PRDM2: variants seen among roughly 807,000 people sequenced by gnomAD.
The protein encoded by PRDM2 is PR domain zinc finger protein 2.
PRDM2 carries 30 observed loss-of-function variants against 130.0 expected under a neutral mutation model. The ratio of observed to expected loss-of-function variants is 0.23; its 90% CI spans 0.17 to 0.31. The LOEUF is 0.31. Among genes scored for constraint, PRDM2 ranks in the 10% least tolerant of loss-of-function variants. PRDM2 has a pLI of 1.00. For missense variants in PRDM2, 2,011 were observed against 2,108.4 expected (o/e 0.95, Z 0.90); for synonymous variants, 871 against 782.4 (o/e 1.11, Z -1.89).
At chr1:13,799,350 CAGG>C (rs1235040190) in intron 8 of PRDM2, among the ~76,000 whole-genome samples, 3 of 151,600 alleles carry the variant, frequency 2.0e-5, no homozygotes, top group African/African-American at 7.3e-5. Context: ...GAGACTGAGA[CAGG>C]AGAATCGCTT....
At chr1:13,784,172 A>G (rs531026655) in intron 8 of PRDM2, among the ~76,000 whole-genome samples, 2 of 152,252 alleles carry the variant, frequency 1.3e-5, no homozygotes, top group Non-Finnish European at 2.9e-5. Context: ...CGCGGCACAT[A>G]CATAGGTAGC....
At chr1:13,772,063 A>G (rs1234112363) in intron 6 of PRDM2, 2 of 152,224 alleles carry the variant, frequency 1.3e-5, no homozygotes, top group Non-Finnish European at 2.9e-5. Context: ...ACTAATGCAG[A>G]GATAAAAGGT....
At chr1:13,753,801 A>C (rs1643889479) in intron 6 of PRDM2, among the ~76,000 whole-genome samples, 1 of 152,178 alleles carries the variant, frequency 6.6e-6, no homozygotes, top group South Asian at 2.1e-4. Flanking sequence ...GGAGGACATC[A>C]AGAGGAACCT....
chr1:13,821,512 G>A (rs10927937), intron 9 of PRDM2, among the ~76,000 whole-genome samples: 40,215 of 151,322 alleles, frequency 0.27, 5,791 homozygotes, highest in Non-Finnish European at 0.32. Flanking sequence ...GCCCAGGCTG[G>A]AGTGCAGTGG....
rs1484124338 is a variant in PRDM2 at position 13,803,748 on chromosome 1, C to T, written c.5037-12679C>T. Among the ~76,000 whole-genome samples the T allele has an allele frequency of 1.3e-5, 2 of 152,170 alleles. No individual in the cohort carries two copies. Among genetic ancestry groups the T allele is most frequent in the Non-Finnish European group, 2.9e-5 (2 of 68,032 alleles). On this transcript the variant is annotated intron_variant, in intron 8 of 9. Transcript: ENST00000311066. This position sits in a 1 kb window ranked among gnomAD's most constrained non-coding sequence, Gnocchi z 6.2. ...CGGGCCGAGGTCACTGCAGGCCAGGCCGGGCCAGCCTCCCTATCAACTGGG... is the reference window on the plus strand; with the variant it reads ...CGGGCCGAGGTCACTGCAGGCCAGGTCGGGCCAGCCTCCCTATCAACTGGG...
At chr1:13,810,629 G>C (rs1266076729) in intron 8 of PRDM2, among the ~76,000 whole-genome samples, 1 of 151,840 alleles carries the variant, frequency 6.6e-6, no homozygotes, top group African/African-American at 2.4e-5. Flanking sequence ...CAAGTAGCTG[G>C]GACTACAGGC....
In PRDM2 at chr1:13,700,255, C is replaced by T. The variant is rs1642024041; in HGVS notation, c.-111C>T. On this transcript the variant is annotated 5_prime_UTR_variant, in exon 1 of 10. Transcript: ENST00000311066. ...GCCGGGGCCGGCGAAACAGCGGCGGCGGCGGCGGCCCTCGGTGCTCTGAGG... is the reference window on the plus strand; with the variant it reads ...GCCGGGGCCGGCGAAACAGCGGCGGTGGCGGCGGCCCTCGGTGCTCTGAGG... 2 of 151,372 alleles carry T rather than the reference C, an allele frequency of 1.3e-5. No homozygotes were observed. The highest frequency in any genetic ancestry group is 2.9e-5 in the Non-Finnish European group (2 of 67,802). The allele number at this position is 151,372 out of a possible 1,614,324, so 9.4% of individuals were successfully genotyped here. A position where few individuals can be genotyped will look rare whatever the true frequency, so the allele number is the denominator to read the frequency against.
At chr1:13,776,318 G>A (rs1301276037) in intron 7 of PRDM2, among the ~76,000 whole-genome samples, 13 of 152,174 alleles carry the variant, frequency 8.5e-5, no homozygotes, top group Admixed American at 8.5e-4. Context: ...GAAGAAGTCA[G>A]AATAGCTCTG....
intron 8 of PRDM2, among the ~76,000 whole-genome samples, chr1:13,795,995 G>A (rs982862422): frequency 6.6e-5 from 10 of 152,220 alleles, no homozygotes; most frequent in Admixed American, 5.2e-4. Flanking sequence ...TGCCTTGTAT[G>A]CAGGAAGGCG....
In PRDM2 at chr1:13,782,732, G is replaced by C; in HGVS notation, c.4937G>C (p.Gly1646Ala). 6.2e-7 allele frequency: 1 copy of C among 1,613,752 alleles called. No individual in the cohort carries two copies. The highest frequency in any genetic ancestry group is 8.5e-7 in the Non-Finnish European group (1 of 1,179,914). Residue 1646 changes from glycine (G) to alanine (A), a missense_variant, in exon 8 of 10, where the codon GGG becomes GCG. Coordinates refer to ENST00000311066, the MANE Select transcript of PRDM2 (RefSeq NM_001393986.1). ...RFNIKSRERS[G>A]GPVTRSLQLA... ...AATATAAAATCTAGAGAGCGGAGTG[G>C]GGGGCCAGTCACCCGGAGCCTTCAG...
intron 6 of PRDM2, among the ~76,000 whole-genome samples, chr1:13,750,753 G>A (rs1429480525): frequency 1.3e-5 from 2 of 151,638 alleles, no homozygotes; most frequent in African/African-American, 2.4e-5. Flanking sequence ...TGAATCAGAC[G>A]ATCAGAGTCT....
intron 8 of PRDM2, among the ~76,000 whole-genome samples, chr1:13,812,919 G>A (rs958912044): frequency 5.3e-5 from 8 of 152,192 alleles, no homozygotes; most frequent in African/African-American, 1.4e-4. Context: ...TTTTACAGAG[G>A]GGGAAACCGA....
Position 13,779,096 on chromosome 1 carries a change from A to G in PRDM2, c.1301A>G (p.Lys434Arg), listed in dbSNP as rs1644546694. ...CCGTCAGAGGATCTGGCTGATGGCA[A>G]AGCATCTGGAGAAAACGTTGCTTCA... ...LQPSEDLADG[K>R]ASGENVASKD... The change falls in exon 8 of 10, where the codon AAA becomes AGA. Residue 434 changes from lysine to arginine, a missense_variant. Lys to Arg is a conservative substitution (Grantham distance 26). This residue lies in a region of PRDM2 where 1,288 missense variants were observed against 1,237.7 expected (regional missense o/e 1.04). Transcript: ENST00000311066. This position sits in a 1 kb window ranked among gnomAD's most constrained non-coding sequence, Gnocchi z 4.9. 1.9e-6 allele frequency: 3 copies of G among 1,614,110 alleles called. No homozygotes were observed. In the South Asian group the frequency reaches 3.3e-5, roughly 18 times the overall value.
At chr1:13,815,348 G>A (rs1029089791) in intron 8 of PRDM2, among the ~76,000 whole-genome samples, 11 of 152,158 alleles carry the variant, frequency 7.2e-5, no homozygotes, top group Non-Finnish European at 1.3e-4. Flanking sequence ...CTGACCTCAG[G>A]TGATCCACCC....
At chr1:13,775,039 TGTC>T (rs1410500300) in intron 7 of PRDM2, among the ~76,000 whole-genome samples, 3 of 151,798 alleles carry the variant, frequency 2.0e-5, no homozygotes, top group African/African-American at 4.8e-5. Context: ...GTCAAAGTGG[TGTC>T]GTAGGCTTCC....
intron 4 of PRDM2, among the ~76,000 whole-genome samples, chr1:13,741,527 C>T (rs1370957163): frequency 6.6e-6 from 1 of 152,116 alleles, no homozygotes; most frequent in East Asian, 1.9e-4. Context: ...ATTGTATAGC[C>T]CTGCAGGGCC....
Position 13,779,790 on chromosome 1 carries a change from A to T in PRDM2, c.1995A>T (p.Leu665Phe). 2 of 1,614,214 alleles carry T rather than the reference A, an allele frequency of 1.2e-6. No individual in the cohort carries two copies. The highest frequency in any genetic ancestry group is 1.7e-6 in the Non-Finnish European group (2 of 1,180,034). ...ACCCCATGGTCCCCTCTTGCTCTTTAAGTCTTCCTCTTAGCATATCAACAA... is the reference window on the plus strand; with the variant it reads ...ACCCCATGGTCCCCTCTTGCTCTTTTAGTCTTCCTCTTAGCATATCAACAA... Reference protein sequence around the residue: ...DSDPMVPSCSLSLPLSISTTE... With the variant: ...DSDPMVPSCSFSLPLSISTTE... The change falls in exon 8 of 10, where the codon TTA (leucine) becomes TTT (phenylalanine). Residue 665 changes from leucine to phenylalanine, a missense_variant. Leu to Phe is a conservative substitution (Grantham distance 22, BLOSUM62 0). Coordinates refer to ENST00000311066, the MANE Select transcript of PRDM2 (RefSeq NM_001393986.1). This position sits in a 1 kb window ranked among gnomAD's most constrained non-coding sequence, Gnocchi z 4.9.
At chr1:13,822,317 C>T (rs969942667) in intron 9 of PRDM2, among the ~76,000 whole-genome samples, 1 of 152,152 alleles carries the variant, frequency 6.6e-6, no homozygotes, top group Non-Finnish European at 1.5e-5. Flanking sequence ...AGCAGCATGA[C>T]TCACATGGCA....
At chr1:13,760,320 A>G (rs559644101) in intron 6 of PRDM2, among the ~76,000 whole-genome samples, 23 of 152,146 alleles carry the variant, frequency 1.5e-4, no homozygotes, top group African/African-American at 5.1e-4. Context: ...TTCAGTTTCT[A>G]TGCTAAGCAC....
Sources: gnomAD v4.1 joint callset for allele counts (sites outside exome capture counted in the v4.1 genomes callset) on GRCh38, gnomAD v4.1.1 for gene constraint, gnomAD v4.1.1 regional missense constraint, Gnocchi (gnomAD v3.1) non-coding constraint, MANE v1.5 for transcripts, NCBI Gene and HGNC (gene_info 2026-07-23, HGNC 2026-07-21) for gene names.